The following ZNF362 variants were observed in gnomAD, a reference collection of about 807,000 sequenced individuals.
ZNF362 encodes the protein zinc finger protein 362, also known as rotund homolog.
In ZNF362, 11 loss-of-function variants were observed where a neutral mutation model predicts 42.9. That is an observed-to-expected ratio of 0.26 (90% CI 0.16 to 0.42). The LOEUF (loss-of-function observed/expected upper bound fraction) is 0.42, where lower values mean the gene tolerates loss of function less well. Ranked by LOEUF, ZNF362 falls within the 20% of genes least tolerant of loss-of-function variation. The pLI is 1.00. For synonymous variants in ZNF362, 255 were observed against 257.3 expected (o/e 0.99, Z 0.09); for missense variants, 362 against 576.2 (o/e 0.63, Z 3.81).
At chr1:33,221,501 GT>G in the ZNF362 span, among the ~76,000 whole-genome samples, 1 of 152,202 alleles carries the variant, frequency 6.6e-6, no homozygotes, top group Non-Finnish European at 1.5e-5. Context: ...TATATCCATA[GT>G]TTTCAAAACA....
chr1:33,285,766 C>T (rs187896439), intron 6 of ZNF362, among the ~76,000 whole-genome samples: 1 of 152,268 alleles, frequency 6.6e-6, no homozygotes, highest in Non-Finnish European at 1.5e-5. Flanking sequence ...TAATTAAAAC[C>T]ATGGAGAATA....
At chr1:33,245,753 C>G in the ZNF362 span, among the ~76,000 whole-genome samples, 1 of 152,142 alleles carries the variant, frequency 6.6e-6, no homozygotes. Context: ...CCCTAGGCAA[C>G]ATAGCAAGAC....
the ZNF362 span, chr1:33,176,334 T>C: frequency 1.1e-5 from 7 of 633,820 alleles, no homozygotes; most frequent in Non-Finnish European, 1.8e-5. Flanking sequence ...GAGCCGAAAT[T>C]TGAACCTAGC....
At chr1:33,241,263 G>A in the ZNF362 span, among the ~76,000 whole-genome samples, 1 of 152,138 alleles carries the variant, frequency 6.6e-6, no homozygotes, top group Admixed American at 6.5e-5. Flanking sequence ...GGGAGGCTGA[G>A]GTGAGTGGAT....
the ZNF362 span, among the ~76,000 whole-genome samples, chr1:33,231,599 G>A: frequency 6.6e-6 from 1 of 152,116 alleles, no homozygotes; most frequent in Non-Finnish European, 1.5e-5. Context: ...CACAACTGAC[G>A]CAGTTGTCAT....
chr1:33,173,128 C>T, the ZNF362 span, among the ~76,000 whole-genome samples: 1 of 152,152 alleles, frequency 6.6e-6, no homozygotes, highest in Non-Finnish European at 1.5e-5. Flanking sequence ...TCATCTATAC[C>T]TAGAACCGGA....
chr1:33,180,648 T>C, the ZNF362 span, among the ~76,000 whole-genome samples: 5,228 of 152,212 alleles, frequency 0.034, 274 homozygotes, highest in African/African-American at 0.12. Context: ...GGCCCTGCCT[T>C]TGCCCAACTC....
chr1:33,130,476 T>A, the ZNF362 span, among the ~76,000 whole-genome samples: 1 of 152,258 alleles, frequency 6.6e-6, no homozygotes, highest in Middle Eastern at 3.4e-3. Flanking sequence ...GGTCTATGTG[T>A]CAAAGAACAG....
the ZNF362 span, chr1:33,176,439 G>C: frequency 2.9e-6 from 2 of 697,832 alleles, no homozygotes; most frequent in Non-Finnish European, 5.2e-6. Context: ...ATCCACTGCT[G>C]TCTTCTCTGG....
chr1:33,275,212 A>G (rs1645934677), intron 2 of ZNF362: 6 of 985,422 alleles, frequency 6.1e-6, no homozygotes, highest in Non-Finnish European at 7.2e-6. Context: ...GACTTACTCT[A>G]GGGTAGCAGG....
Position 33,295,266 on chromosome 1 carries a change from G to A in ZNF362, c.1107G>A (p.Lys369=), listed in dbSNP as rs2148138796. ...CGGCCCACGCCATCAAGCACGCCAA[G>A]GCCTACTGCTGCAGCATGTGTGGGC... is the stretch of plus-strand genomic sequence containing the variant. The part of the protein sequence containing the change: ...HLSAHAIKHA[K]AYCCSMCGRA... The change falls in exon 8 of 9, where the codon AAG becomes AAA. Residue 369 remains lysine, a synonymous_variant. Transcript: ENST00000539719. 1 of 1,614,232 alleles carries A rather than the reference G, an allele frequency of 6.2e-7. No individual in the cohort carries two copies. Among genetic ancestry groups the A allele is most frequent in the Non-Finnish European group, 8.5e-7 (1 of 1,180,040 alleles).
At chr1:33,227,622 C>A in the ZNF362 span, among the ~76,000 whole-genome samples, 1 of 152,182 alleles carries the variant, frequency 6.6e-6, no homozygotes, top group Non-Finnish European at 1.5e-5. Flanking sequence ...ACCATTCCTA[C>A]AGTGCTCTGT....
At chr1:33,283,260 A>G (rs963338316) in intron 6 of ZNF362, among the ~76,000 whole-genome samples, 1 of 152,104 alleles carries the variant, frequency 6.6e-6, no homozygotes. Context: ...GTGTGCCACC[A>G]TGAGAAGGGC....
the ZNF362 span, among the ~76,000 whole-genome samples, chr1:33,250,349 A>C: frequency 6.6e-6 from 1 of 152,240 alleles, no homozygotes; most frequent in Non-Finnish European, 1.5e-5. Context: ...ATGCCCATTA[A>C]TGATAGACGG....
the ZNF362 span, among the ~76,000 whole-genome samples, chr1:33,149,145 C>T: frequency 6.6e-6 from 1 of 152,092 alleles, no homozygotes; most frequent in Admixed American, 6.6e-5. Context: ...TTCCTTTTGC[C>T]TCTTCTTTTT....
chr1:33,181,714 G>A, the ZNF362 span: 54 of 480,364 alleles, frequency 1.1e-4, 1 homozygote, highest in South Asian at 1.3e-3. The surrounding 1 kb of genome is among the most constrained non-coding windows in gnomAD (Gnocchi z 6.5). Context: ...GCGGCTGAGG[G>A]ACGGAGATCC....
the ZNF362 span, among the ~76,000 whole-genome samples, chr1:33,161,584 A>G: frequency 6.6e-6 from 1 of 152,006 alleles, no homozygotes; most frequent in Non-Finnish European, 1.5e-5. The surrounding 1 kb of genome is among the most constrained non-coding windows in gnomAD (Gnocchi z 4.3). Context: ...AACGCCAGGC[A>G]GACAAAGGGG....
the ZNF362 span, chr1:33,147,702 C>T: frequency 1.6e-5 from 25 of 1,612,858 alleles, no homozygotes; most frequent in Middle Eastern, 1.7e-4. The surrounding 1 kb of genome is among the most constrained non-coding windows in gnomAD (Gnocchi z 8.1). Flanking sequence ...GGGCTGTGCC[C>T]GGGTCCAGGG....
chr1:33,257,563 G>A (rs1451615232), intron 1 of ZNF362, among the ~76,000 whole-genome samples: 3 of 151,866 alleles, frequency 2.0e-5, no homozygotes, highest in South Asian at 2.1e-4. Flanking sequence ...GGATGGGGGT[G>A]GGGGGGCGGA....
Sources: allele counts gnomAD v4.1 joint callset (sites outside exome capture counted in the v4.1 genomes callset), GRCh38; gene constraint gnomAD v4.1.1; non-coding constraint Gnocchi (gnomAD v3.1); transcripts MANE v1.5; gene names NCBI Gene and HGNC (gene_info 2026-07-23, HGNC 2026-07-21).